The following BSND variants were observed in gnomAD, a reference collection of about 807,000 sequenced individuals.
The protein encoded by BSND is barttin.
BSND carries 13 observed loss-of-function variants against 18.8 expected under a neutral mutation model. The observed-to-expected ratio is 0.69, with a 90% CI of 0.45 to 1.10. The LOEUF is 1.10. Ranked by LOEUF, BSND falls within the 50% of genes least tolerant of loss-of-function variation. BSND has a pLI of 0.00. For missense variants in BSND, 379 were observed against 416.7 expected (o/e 0.91, Z 0.79); for synonymous variants, 170 against 161.8 (o/e 1.05, Z -0.39).
chr1:54,999,840 G>A (rs945472792), intron 1 of BSND, among the ~76,000 whole-genome samples: 5 of 152,182 alleles, frequency 3.3e-5, no homozygotes, highest in African/African-American at 1.2e-4. Context: ...TGACTTACAC[G>A]TCACCCTTCA....
In BSND at chr1:55,013,319, A is replaced by T. The variant is rs1001716849; in HGVS notation, c.*4691A>T. On this transcript the variant is annotated 3_prime_UTR_variant, in exon 4 of 4. Coordinates refer to ENST00000651561, the MANE Select transcript of BSND (RefSeq NM_057176.3). ...GCTAGGATTACAGGCGCCTGCCACC[A>T]CACCCAGCTAATTTTGTATTTTTAA... 5.3e-5 allele frequency among the ~76,000 whole-genome samples: 8 copies of T among 151,992 alleles called. No individual in the cohort carries two copies. Among genetic ancestry groups the T allele is most frequent in the African/African-American group, 1.9e-4 (8 of 41,360 alleles).
rs17111479 is a variant in BSND, at chr1:55,016,159, G to C, written c.*7531G>C. On this transcript the variant is annotated 3_prime_UTR_variant, in exon 4 of 4. Transcript: ENST00000651561. ...CATGGAAGGAGGGCTTTGCAGTGCTGAGAGCTGCCCAAAGAATGGGTAGGA... is the reference window on the plus strand; with the variant it reads ...CATGGAAGGAGGGCTTTGCAGTGCTCAGAGCTGCCCAAAGAATGGGTAGGA... Among the ~76,000 whole-genome samples, 48,717 of 151,990 alleles carry C rather than the reference G, an allele frequency of 0.32. 10,130 individuals carry two copies. Among genetic ancestry groups the C allele is most frequent in the African/African-American group, 0.6 (24,741 of 41,372 alleles).
Position 54,999,127 on chromosome 1 carries a change from GCTGAACTACAGCCAC to G in BSND, c.-58_-44del. ...TGTGTAAGCCTGTCTCGGTGTTTAG[GCTGAACTACAGCCAC>G]CCCCTCTCCCGGGGGTGTGCAGGCC... On this transcript the variant is annotated 5_prime_UTR_variant, in exon 1 of 4. Coordinates refer to ENST00000651561, the MANE Select transcript of BSND (RefSeq NM_057176.3). The G allele has an allele frequency of 6.2e-7, 1 of 1,602,598 alleles. No homozygotes were observed. Among genetic ancestry groups the G allele is most frequent in the Non-Finnish European group, 8.5e-7 (1 of 1,174,260 alleles).
In BSND at chr1:54,999,168, A is replaced by T; in HGVS notation, c.-19A>T. ...CCCCTCTCCCGGGGGTGTGCAGGCC[A>T]GGGACTGGCCAGGCAGCCATGGCTG... is the stretch of plus-strand genomic sequence containing the variant. On this transcript the variant is annotated 5_prime_UTR_variant, in exon 1 of 4. Coordinates refer to ENST00000651561, the MANE Select transcript of BSND (RefSeq NM_057176.3). 1.9e-6 allele frequency: 3 copies of T among 1,613,604 alleles called. No homozygotes were observed. Among genetic ancestry groups the T allele is most frequent in the Non-Finnish European group, 2.5e-6 (3 of 1,179,990 alleles).
intron 1 of BSND, among the ~76,000 whole-genome samples, chr1:55,002,411 C>T (rs140308001): frequency 2.0e-5 from 3 of 152,308 alleles, no homozygotes; most frequent in Non-Finnish European, 4.4e-5. Flanking sequence ...GGGTCTCTGC[C>T]CACGCATCCC....
At position 55,014,803 on chromosome 1, in the gene BSND, T is replaced by C. The variant is rs1344294183; in HGVS notation, c.*6175T>C. Among the ~76,000 whole-genome samples, 1 of 152,180 alleles carries C rather than the reference T, an allele frequency of 6.6e-6. No homozygotes were observed. The highest frequency in any genetic ancestry group is 6.5e-5 in the Admixed American group (1 of 15,274). On this transcript the variant is annotated 3_prime_UTR_variant, in exon 4 of 4. Coordinates refer to ENST00000651561, the MANE Select transcript of BSND (RefSeq NM_057176.3). ...GTGCTGAAGGGCTTAGTTGTTTGTTTTTCTTAAATGAGTTATCAAACATTG... is the reference window on the plus strand; with the variant it reads ...GTGCTGAAGGGCTTAGTTGTTTGTTCTTCTTAAATGAGTTATCAAACATTG...
Position 55,008,753 on chromosome 1 carries a change from G to T in BSND, c.*125G>T. ...AGGTTCAATGAGATGGTGGCATTTTGAGAATGGTAAAGAAATACACAGGGA... is the reference window on the plus strand; with the variant it reads ...AGGTTCAATGAGATGGTGGCATTTTTAGAATGGTAAAGAAATACACAGGGA... On this transcript the variant is annotated 3_prime_UTR_variant, in exon 4 of 4. Coordinates refer to ENST00000651561, the MANE Select transcript of BSND (RefSeq NM_057176.3). The T allele has an allele frequency of 7.2e-7, 1 of 1,391,930 alleles. No homozygotes were observed. 86.2% of individuals were successfully genotyped at this position (1,391,930 alleles called of 1,614,324 possible).
At position 55,012,968 on chromosome 1, in the gene BSND, T is replaced by G. The variant is rs1455147687; in HGVS notation, c.*4340T>G. ...TTTCATTGAATTTAATTTTTCCATC[T>G]GCCCTGAGAGATGGGTATTACCAGG... On this transcript the variant is annotated 3_prime_UTR_variant, in exon 4 of 4. Coordinates refer to ENST00000651561, the MANE Select transcript of BSND (RefSeq NM_057176.3). 1.3e-5 allele frequency among the ~76,000 whole-genome samples: 2 copies of G among 152,200 alleles called. No homozygotes were observed. Among genetic ancestry groups the G allele is most frequent in the African/African-American group, 4.8e-5 (2 of 41,450 alleles).
Position 55,008,586 on chromosome 1 carries a change from C to T in BSND, c.921C>T (p.Leu307=), listed in dbSNP as rs779293362. 18 of 1,614,012 alleles carry T rather than the reference C, an allele frequency of 1.1e-5. No individual in the cohort carries two copies. Among genetic ancestry groups the T allele is most frequent in the Non-Finnish European group, 8.5e-6 (10 of 1,180,030 alleles). Residue 307 remains leucine (L), a synonymous_variant, in exon 4 of 4, where the codon CTC becomes CTT. Coordinates refer to ENST00000651561, the MANE Select transcript of BSND (RefSeq NM_057176.3). ...TGCCAGATGGAGCCGGGGACCTCCT[C>T]CCGGACAAGGAGCTGGGTTTTGAGC... ...YGLPDGAGDL[L]PDKELGFEPD... is the part of the protein sequence containing the mutation.
Position 55,008,576 on chromosome 1 carries a change from G to C in BSND, c.911G>C (p.Gly304Ala), listed in dbSNP as rs1644404278. The change falls in exon 4 of 4, where the codon GGG (glycine) becomes GCG (alanine). Residue 304 changes from glycine (G) to alanine (A), a missense_variant. Gly to Ala is a moderately conservative substitution (Grantham distance 60). Transcript: ENST00000651561. ...TACTATGGGCTGCCAGATGGAGCCG[G>C]GGACCTCCTCCCGGACAAGGAGCTG... ...DLYYGLPDGAGDLLPDKELGF... is the reference protein window; with the variant it reads ...DLYYGLPDGAADLLPDKELGF... 1 of 1,614,168 alleles carries C rather than the reference G, an allele frequency of 6.2e-7. No individual in the cohort carries two copies. The highest frequency in any genetic ancestry group is 8.5e-7 in the Non-Finnish European group (1 of 1,180,026).
rs1188213179 is a variant in BSND at position 55,008,825 on chromosome 1, G to A, written c.*197G>A. On this transcript the variant is annotated 3_prime_UTR_variant, in exon 4 of 4. Transcript: ENST00000651561. Reference sequence around the variant, plus strand: ...ACTCTTGTTTTTCCAATAGTTAGTGGTCTTTGGCCAACCTTTGAAGGCAAA... The same window carrying A: ...ACTCTTGTTTTTCCAATAGTTAGTGATCTTTGGCCAACCTTTGAAGGCAAA... The A allele has an allele frequency of 3.3e-5, 27 of 819,822 alleles. No individual in the cohort carries two copies. Among genetic ancestry groups the A allele is most frequent in the Non-Finnish European group, 5.1e-5 (27 of 525,814 alleles). 50.8% of individuals were successfully genotyped at this position (819,822 alleles called of 1,614,324 possible). A position where few individuals can be genotyped will look rare whatever the true frequency, so the allele number is the denominator to read the frequency against.
Position 55,005,084 on chromosome 1 carries a change from G to A in BSND, c.240G>A (p.Leu80=), listed in dbSNP as rs370521011. ...TCCTCTCCCCAAAGGCCATGGGCCT[G>A]CTGGAGAATGGGCTTGCTGCCGAGA... ...QGILSPKAMG[L]LENGLAAEMK... Residue 80 remains leucine (L), a synonymous_variant, in exon 2 of 4, where the codon CTG becomes CTA. Coordinates refer to ENST00000651561, the MANE Select transcript of BSND (RefSeq NM_057176.3). The A allele has an allele frequency of 8.1e-6, 13 of 1,614,088 alleles. No individual in the cohort carries two copies. The African/African-American group carries it at 1.3e-4, about 17-fold the overall frequency.
Position 55,008,304 on chromosome 1 carries a change from A to C in BSND, c.639A>C (p.Ala213=). The change falls in exon 4 of 4, where the codon GCA becomes GCC. Residue 213 remains alanine, a synonymous_variant. Coordinates refer to ENST00000651561, the MANE Select transcript of BSND (RefSeq NM_057176.3). ...MDSSEGSSPN[A]SPHDREEACS... The stretch of plus-strand genomic sequence containing the variant: ...CCAGTGAAGGCAGCAGCCCCAATGC[A>C]TCTCCACATGACAGGGAGGAAGCTT... 1.2e-6 allele frequency: 2 copies of C among 1,614,194 alleles called. No individual in the cohort carries two copies. Among genetic ancestry groups the C allele is most frequent in the South Asian group, 1.1e-5 (1 of 91,074 alleles).
rs916888204 is a variant in BSND, at chr1:55,013,876, C to A, written c.*5248C>A. 2.6e-5 allele frequency among the ~76,000 whole-genome samples: 4 copies of A among 152,196 alleles called. No individual in the cohort carries two copies. Among genetic ancestry groups the A allele is most frequent in the African/African-American group, 7.2e-5 (3 of 41,452 alleles). ...ATCCTCACCTTTCCAGCCACCCTGC[C>A]TTGGCTCATGCTGTTCCCTCCACCC... is the stretch of plus-strand genomic sequence containing the variant. On this transcript the variant is annotated 3_prime_UTR_variant, in exon 4 of 4. Coordinates refer to ENST00000651561, the MANE Select transcript of BSND (RefSeq NM_057176.3).
In BSND at chr1:55,005,074, C is replaced by T. The variant is rs779193838; in HGVS notation, c.230C>T (p.Ala77Val). The T allele has an allele frequency of 6.2e-6, 10 of 1,614,084 alleles. No individual in the cohort carries two copies. In the East Asian group the frequency reaches 1.6e-4, roughly 25 times the overall value. ...TTTCAAGGCATCCTCTCCCCAAAGG[C>T]CATGGGCCTGCTGGAGAATGGGCTT... ...SDFQGILSPK[A>V]MGLLENGLAA... is the part of the protein sequence containing the mutation. Residue 77 changes from alanine (A) to valine (V), a missense_variant, in exon 2 of 4, where the codon GCC (alanine) becomes GTC (valine). Physicochemically the swap from Ala to Val is moderately conservative, Grantham distance 64. Coordinates refer to ENST00000651561, the MANE Select transcript of BSND (RefSeq NM_057176.3).
chr1:55,003,131 A>C (rs1644370106), intron 1 of BSND, among the ~76,000 whole-genome samples: 1 of 37,878 alleles, frequency 2.6e-5, no homozygotes, highest in Non-Finnish European at 7.0e-5. Flanking sequence ...AGGAAGAGGC[A>C]GCTTCTAGGA....
chr1:55,001,200 TCG>T (rs1644359736), intron 1 of BSND, among the ~76,000 whole-genome samples: 1 of 106,084 alleles, frequency 9.4e-6, no homozygotes, highest in Non-Finnish European at 1.9e-5. Context: ...CACAGTGGGA[TCG>T]TGTGTGTGTG....
At chr1:54,999,409 G>A (rs756335414) in intron 1 of BSND, 46 bp downstream of exon 1, 2 of 1,575,108 alleles carry the variant, frequency 1.3e-6, no homozygotes, top group South Asian at 1.2e-5. Flanking sequence ...CTGGGGCCAG[G>A]AGGGCTGGAC....
At position 55,012,102 on chromosome 1, in the gene BSND, T is replaced by A. The variant is rs1056931861; in HGVS notation, c.*3474T>A. On this transcript the variant is annotated 3_prime_UTR_variant, in exon 4 of 4. Transcript: ENST00000651561. ...TGGAGGGATGGCCCCTGCCCTTAAC[T>A]GGAAAGGGTGGGCAAGGGAAGGCAG... Among the ~76,000 whole-genome samples the A allele has an allele frequency of 1.3e-5, 2 of 152,106 alleles. No homozygotes were observed. Among genetic ancestry groups the A allele is most frequent in the South Asian group, 2.1e-4 (1 of 4,816 alleles).
Sources: gnomAD v4.1 joint callset for allele counts (sites outside exome capture counted in the v4.1 genomes callset) on GRCh38, gnomAD v4.1.1 for gene constraint, MANE v1.5 for transcripts, NCBI Gene and HGNC (gene_info 2026-07-23, HGNC 2026-07-21) for gene names.